Variants in NSFL1C observed in about 807,000 individuals in gnomAD.
NSFL1C encodes the protein NSFL1 cofactor, also known as NSFL1 cofactor p47.
Under a neutral mutation model 43.1 loss-of-function variants are expected in NSFL1C, and 14 were observed. That is an observed-to-expected ratio of 0.32 (90% confidence interval 0.21 to 0.51). NSFL1C has a LOEUF of 0.51. NSFL1C is among the 20% of genes least tolerant of loss of function. NSFL1C has a pLI of 0.98. For synonymous variants in NSFL1C, 171 were observed against 183.5 expected (o/e 0.93, Z 0.55); for missense variants, 406 against 472.5 (o/e 0.86, Z 1.30).
Position 1,464,371 on chromosome 20 carries a change from G to C in NSFL1C, c.161C>G (p.Ser54Trp). The change falls in exon 2 of 9, where the codon TCG becomes TGG. Residue 54 changes from serine to tryptophan, a missense_variant. This residue lies in a region of NSFL1C where 203 missense variants were observed against 216.3 expected (regional missense o/e 0.94). Coordinates refer to ENST00000216879, the MANE Select transcript of NSFL1C (RefSeq NM_016143.5). ...GGACACTGAACTGGGGGTTGCCTGCGAAATGGTCACAATGTCTTCATCCCC... is the reference window on the plus strand; with the variant it reads ...GGACACTGAACTGGGGGTTGCCTGCCAAATGGTCACAATGTCTTCATCCCC... ...DGGDEDIVTISQATPSSVSRG... is the reference protein window; with the variant it reads ...DGGDEDIVTIWQATPSSVSRG... The C allele has an allele frequency of 6.2e-7, 1 of 1,614,248 alleles. No individual in the cohort carries two copies. The highest frequency in any genetic ancestry group is 8.5e-7 in the Non-Finnish European group (1 of 1,180,040).
chr20:1,443,722 A>C lies in NSFL1C; in HGVS notation c.*27T>G, dbSNP rs752599735. 28 of 1,611,612 alleles carry C rather than the reference A, an allele frequency of 1.7e-5. No homozygotes were observed. In the African/African-American group the frequency reaches 3.7e-4, roughly 22 times the overall value. On this transcript the variant is annotated 3_prime_UTR_variant, in exon 9 of 9. Coordinates refer to ENST00000216879, the MANE Select transcript of NSFL1C (RefSeq NM_016143.5). Reference sequence around the variant, plus strand: ...GGCCACTGGCCATGGGAAACACAGGAGGGAGGCCAGGCAGCTGGCTGGGCG... The same window carrying C: ...GGCCACTGGCCATGGGAAACACAGGCGGGAGGCCAGGCAGCTGGCTGGGCG...
chr20:1,445,291 G>A (rs780689388), intron 8 of NSFL1C, among the ~76,000 whole-genome samples: 4 of 152,112 alleles, frequency 2.6e-5, no homozygotes, highest in East Asian at 1.9e-4. Context: ...TGAGTGGGAC[G>A]CTGACACTGC....
At chr20:1,453,396 C>T (rs1424102303) in intron 5 of NSFL1C, among the ~76,000 whole-genome samples, 1 of 152,226 alleles carries the variant, frequency 6.6e-6, no homozygotes, top group Non-Finnish European at 1.5e-5. Context: ...CTTGACTGTG[C>T]CACTCACTAG....
intron 4 of NSFL1C, 136 bp from the exon 5 acceptor site, chr20:1,454,441 T>C (rs113760703): frequency 2.0e-4 from 128 of 637,982 alleles, no homozygotes; most frequent in African/African-American, 1.9e-3. Flanking sequence ...AGCTACTAGA[T>C]GCACTTTCTC....
chr20:1,444,841 T>C (rs990299377), intron 8 of NSFL1C, among the ~76,000 whole-genome samples: 1 of 152,036 alleles, frequency 6.6e-6, no homozygotes, highest in Admixed American at 6.5e-5. Context: ...GGCACTTGAG[T>C]GTAATGAATG....
chr20:1,462,819 G>A (rs1321971510), intron 2 of NSFL1C, among the ~76,000 whole-genome samples: 1 of 152,086 alleles, frequency 6.6e-6, no homozygotes, highest in East Asian at 1.9e-4. Flanking sequence ...CACCGCGCCT[G>A]GCCACTTTTA....
chr20:1,455,164 A>AC (rs760314167), intron 3 of NSFL1C, 32 bp from the exon 4 acceptor site: 24 of 1,612,856 alleles, frequency 1.5e-5, no homozygotes, highest in Non-Finnish European at 1.9e-5. Context: ...AACATGAAAC[A>AC]CTCATGGAAA....
chr20:1,464,539 T>C (rs1401487888), intron 1 of NSFL1C, 113 bp from the exon 2 acceptor site: 16 of 790,700 alleles, frequency 2.0e-5, no homozygotes, highest in Non-Finnish European at 2.9e-5. Context: ...GTAGCTTGCA[T>C]CCATGGGCCA....
At chr20:1,446,788 C>T (rs562903799) in intron 7 of NSFL1C, among the ~76,000 whole-genome samples, 6 of 152,178 alleles carry the variant, frequency 3.9e-5, no homozygotes, top group Admixed American at 3.9e-4. Context: ...CTGACTTAGA[C>T]CTTTGCAAAG....
chr20:1,452,153 T>C (rs113457515), intron 7 of NSFL1C, among the ~76,000 whole-genome samples: 76 of 152,346 alleles, frequency 5.0e-4, no homozygotes, highest in African/African-American at 1.7e-3. Context: ...TCTGCTTACA[T>C]TGACTGCTCA....
rs2089992195 is a variant in NSFL1C, at chr20:1,443,464, C to A, written c.*285G>T. 3.5e-6 allele frequency: 1 copy of A among 282,534 alleles called. No individual in the cohort carries two copies. 17.5% of individuals were successfully genotyped at this position (282,534 alleles called of 1,614,324 possible). The stretch of plus-strand genomic sequence containing the variant: ...ATAATTTTAAAGCAATTAAAGCCTG[C>A]TTCAGTGGGAGAGTTTCCGTACAAC... On this transcript the variant is annotated 3_prime_UTR_variant, in exon 9 of 9. Coordinates refer to ENST00000216879, the MANE Select transcript of NSFL1C (RefSeq NM_016143.5).
intron 3 of NSFL1C, among the ~76,000 whole-genome samples, chr20:1,457,272 G>A (rs1334165490): frequency 6.6e-6 from 1 of 152,092 alleles, no homozygotes; most frequent in African/African-American, 2.4e-5. Context: ...GTAATATAAT[G>A]AATAACTTTT....
At chr20:1,454,790 C>T (rs1441026039) in intron 4 of NSFL1C, among the ~76,000 whole-genome samples, 177 bp downstream of exon 4, 1 of 152,192 alleles carries the variant, frequency 6.6e-6, no homozygotes, top group African/African-American at 2.4e-5. Context: ...GAAAACTCTG[C>T]CCCAAATCTT....
chr20:1,450,735 C>G (rs2090165524), intron 7 of NSFL1C, among the ~76,000 whole-genome samples: 1 of 152,190 alleles, frequency 6.6e-6, no homozygotes, highest in African/African-American at 2.4e-5. Context: ...AATCATATGT[C>G]TAGCCCAAGT....
chr20:1,455,528 A>G (rs2122895197), intron 3 of NSFL1C, among the ~76,000 whole-genome samples: 1 of 152,340 alleles, frequency 6.6e-6, no homozygotes, highest in African/African-American at 2.4e-5. Context: ...CAGTGACTAC[A>G]GTCATAGTCA....
chr20:1,446,032 AT>A lies in NSFL1C; in HGVS notation c.786-203del. 8.2e-6 allele frequency: 5 copies of A among 609,932 alleles called. No homozygotes were observed. In the South Asian group the frequency reaches 9.6e-5, roughly 12 times the overall value. 37.8% of individuals were successfully genotyped at this position (609,932 alleles called of 1,614,324 possible). On this transcript the variant is annotated intron_variant, in intron 7 of 8. Transcript: ENST00000216879. ...ATTCACTTCAAACCCTGAGTCATAT[AT>A]TTCATACGTTATTGCTAGCTCCCTC... is the stretch of plus-strand genomic sequence containing the variant.
In NSFL1C at chr20:1,452,482, C is replaced by G. The variant is rs370525236; in HGVS notation, c.785+11G>C. On this transcript the variant is annotated intron_variant, in intron 7 of 8. Transcript: ENST00000216879. ...TGACAGAGTCTGGCTCTAACCTGTG[C>G]TGCCCCTTACCTGCCCAGTTTCTGA... 6.2e-7 allele frequency: 1 copy of G among 1,613,680 alleles called. No homozygotes were observed. Among genetic ancestry groups the G allele is most frequent in the Non-Finnish European group, 8.5e-7 (1 of 1,179,720 alleles).
chr20:1,442,833 TG>T lies in NSFL1C; in HGVS notation c.*915del, dbSNP rs2089977512. 6.6e-6 allele frequency: 1 copy of T among 152,244 alleles called. No individual in the cohort carries two copies. The highest frequency in any genetic ancestry group is 2.1e-4 in the South Asian group (1 of 4,830). The allele number at this position is 152,244 out of a possible 1,614,324, so 9.4% of individuals were successfully genotyped here. On this transcript the variant is annotated 3_prime_UTR_variant, in exon 9 of 9. Coordinates refer to ENST00000216879, the MANE Select transcript of NSFL1C (RefSeq NM_016143.5). ...CTCACCCCTTCTTCAACAGTTGATT[TG>T]ATTTGCCACACATCACTAGTGAACA... is the stretch of plus-strand genomic sequence containing the variant.
intron 2 of NSFL1C, among the ~76,000 whole-genome samples, chr20:1,459,695 T>A (rs1351283503): frequency 6.6e-6 from 1 of 151,874 alleles, no homozygotes; most frequent in African/African-American, 2.4e-5. Context: ...CCTGCATGAG[T>A]TGGCTCCTGA....
Sources: allele counts gnomAD v4.1 joint callset (sites outside exome capture counted in the v4.1 genomes callset), GRCh38; gene constraint gnomAD v4.1.1; regional missense constraint gnomAD v4.1.1; transcripts MANE v1.5; gene names NCBI Gene and HGNC (gene_info 2026-07-23, HGNC 2026-07-21).